The following ANXA6 variants were observed in gnomAD, a reference collection of about 807,000 sequenced individuals.
ANXA6 encodes the protein 67 kDa calelectrin.
ANXA6 carries 71 observed loss-of-function variants against 95.4 expected under a neutral mutation model. The ratio of observed to expected loss-of-function variants is 0.74; its 90% CI spans 0.61 to 0.91. ANXA6 has a LOEUF of 0.91. ANXA6 is among the 40% of genes least tolerant of loss of function. The pLI is 0.00. For missense variants in ANXA6, 830 were observed against 876.4 expected, an observed-to-expected ratio of 0.95 and a Z score of 0.67; for synonymous variants, 289 against 315.9, an observed-to-expected ratio of 0.91 and a Z score of 0.90.
chr5:151,153,709 C>T (rs192047098), intron 1 of ANXA6, among the ~76,000 whole-genome samples: 5 of 152,304 alleles, frequency 3.3e-5, no homozygotes, highest in African/African-American at 4.8e-5. Flanking sequence ...AATACATACT[C>T]CTTGCCCTAT....
At chr5:151,147,024 C>G (rs1765991961) in intron 2 of ANXA6, among the ~76,000 whole-genome samples, 1 of 152,200 alleles carries the variant, frequency 6.6e-6, no homozygotes, top group African/African-American at 2.4e-5. Flanking sequence ...CTGCTCACTT[C>G]AGCCTCCCAA....
chr5:151,146,609 G>A (rs1431495428), intron 2 of ANXA6, among the ~76,000 whole-genome samples: 4 of 152,194 alleles, frequency 2.6e-5, no homozygotes, highest in African/African-American at 9.7e-5. Context: ...GACAGCTTCT[G>A]TCTGTGCATT....
At chr5:151,119,609 C>G (rs930920775) in intron 17 of ANXA6, among the ~76,000 whole-genome samples, 2 of 152,168 alleles carry the variant, frequency 1.3e-5, no homozygotes, top group Non-Finnish European at 2.9e-5. Context: ...TGCCTTCCAG[C>G]CCCCCAAACA....
chr5:151,142,129 C>T (rs924149896), intron 2 of ANXA6, among the ~76,000 whole-genome samples: 4 of 152,198 alleles, frequency 2.6e-5, no homozygotes, highest in African/African-American at 7.2e-5. Context: ...TGGACACCTC[C>T]AGTCCAGCGA....
rs180895273 is a variant in ANXA6 at position 151,111,102 on chromosome 5, A to T, written c.1573-458T>A. Among the ~76,000 whole-genome samples the T allele has an allele frequency of 2.0e-5, 3 of 152,174 alleles. 1 individual carries two copies. The highest frequency in any genetic ancestry group is 2.0e-4 in the Admixed American group (3 of 15,280). On this transcript the variant is annotated intron_variant, in intron 20 of 25. Coordinates refer to ENST00000354546, the MANE Select transcript of ANXA6 (RefSeq NM_001155.5). ...CAGAGTTCCAAGGCAAGAGACATGT[A>T]ATTTTAGCCTTCATGTTACAGACAG...
At position 151,142,395 on chromosome 5, in the gene ANXA6, T is replaced by C. The variant is rs370797028; in HGVS notation, c.19-2152A>G. On this transcript the variant is annotated intron_variant, in intron 2 of 25. Coordinates refer to ENST00000354546, the MANE Select transcript of ANXA6 (RefSeq NM_001155.5). ...CAGGAGGCTGGGTCAGGAGAATCAC[T>C]TGAACCTGGGAGGCAGAGGTTGTAG... Among the ~76,000 whole-genome samples the C allele has an allele frequency of 7.2e-5, 11 of 152,174 alleles. No individual in the cohort carries two copies. In the East Asian group the frequency reaches 1.7e-3, roughly 24 times the overall value.
rs1581980221 is a variant in ANXA6, at chr5:151,110,636, A to G, written c.1581T>C (p.Ala527=). ...AGAACAGGACACTCACCAAGATCTC[A>G]GCAGCCACCTGAGAGCAGGGAGGGG... is the stretch of plus-strand genomic sequence containing the variant. ...DQAREDAQVA[A]EILEIADTPS... is the part of the protein sequence containing the mutation. Residue 527 remains alanine, a synonymous_variant, in exon 21 of 26, where the codon GCT becomes GCC. Coordinates refer to ENST00000354546, the MANE Select transcript of ANXA6 (RefSeq NM_001155.5). The G allele has an allele frequency of 3.7e-6, 6 of 1,609,236 alleles. No homozygotes were observed. The highest frequency in any genetic ancestry group is 5.1e-6 in the Non-Finnish European group (6 of 1,176,310).
At position 151,117,142 on chromosome 5, in the gene ANXA6, T is replaced by C. The variant is rs1226539868; in HGVS notation, c.1557A>G (p.Ala519=). Residue 519 remains alanine, a synonymous_variant, in exon 20 of 26, where the codon GCA becomes GCG. Transcript: ENST00000354546. ...REEGGENLDQ[A]REDAQVAAEI... The stretch of plus-strand genomic sequence containing the variant: ...GGGGTCTTACCTGGGCATCTTCCCG[T>C]GCCTGGTCCAGGTTTTCTCCTCCCT... The C allele has an allele frequency of 6.3e-7, 1 of 1,592,334 alleles. No individual in the cohort carries two copies. Among genetic ancestry groups the C allele is most frequent in the Non-Finnish European group, 8.6e-7 (1 of 1,167,638 alleles).
intron 19 of ANXA6, among the ~76,000 whole-genome samples, chr5:151,117,491 C>T (rs1765034718): frequency 6.6e-6 from 1 of 152,174 alleles, no homozygotes; most frequent in Admixed American, 6.5e-5. Flanking sequence ...GAGGGTCACC[C>T]ATATGGCTTT....
At chr5:151,104,865 C>A (rs1445434260) in intron 24 of ANXA6, among the ~76,000 whole-genome samples, 1 of 152,232 alleles carries the variant, frequency 6.6e-6, no homozygotes, top group African/African-American at 2.4e-5. Flanking sequence ...CCCTGTGTGC[C>A]TCCAGAGCAC....
At chr5:151,139,295 G>T in intron 4 of ANXA6, 58 bp downstream of exon 4, 1 of 1,275,656 alleles carries the variant, frequency 7.8e-7, no homozygotes, top group Non-Finnish European at 1.1e-6. Flanking sequence ...CGAGCACACA[G>T]GTGAATGAAA....
intron 19 of ANXA6, among the ~76,000 whole-genome samples, 179 bp from the exon 20 acceptor site, chr5:151,117,359 A>G (rs568824728): frequency 6.6e-6 from 1 of 152,276 alleles, no homozygotes; most frequent in East Asian, 1.9e-4. Flanking sequence ...GAATGTGTGC[A>G]AGACACTTAG....
In ANXA6 at chr5:151,124,386, G is replaced by A; in HGVS notation, c.1057-19C>T. The A allele has an allele frequency of 6.2e-7, 1 of 1,600,070 alleles. No homozygotes were observed. The highest frequency in any genetic ancestry group is 8.5e-7 in the Non-Finnish European group (1 of 1,173,168). On this transcript the variant is annotated intron_variant, in intron 14 of 25. Transcript: ENST00000354546. ...CCTTCAGCTGTGAGAAGCAGAAAGA[G>A]ACTCAGCAGGTGTCTGAAGGCCCCC...
chr5:151,110,570 T>C (rs1764821958), intron 21 of ANXA6, 57 bp downstream of exon 21: 1 of 1,597,492 alleles, frequency 6.3e-7, no homozygotes, highest in African/African-American at 1.3e-5. Flanking sequence ...CTCGGCCCAG[T>C]AAAGGCGGAC....
chr5:151,120,581 T>C (rs1435294515), intron 17 of ANXA6, among the ~76,000 whole-genome samples: 1 of 152,024 alleles, frequency 6.6e-6, no homozygotes, highest in Admixed American at 6.5e-5. Context: ...TAGCTGGTCG[T>C]GGTGGCGTGC....
rs1581986965 is a variant in ANXA6 at position 151,117,169 on chromosome 5, C to T, written c.1530G>A (p.Glu510=). The change falls in exon 20 of 26, where the codon GAG becomes GAA. Residue 510 remains glutamate, a synonymous_variant. Coordinates refer to ENST00000354546, the MANE Select transcript of ANXA6 (RefSeq NM_001155.5). ...ILISLATGHR[E]EGGENLDQAR... Reference sequence around the variant, plus strand: ...CCTGGTCCAGGTTTTCTCCTCCCTCCTCACGATGCCCCTGCAGCAGGAGCA... The same window carrying T: ...CCTGGTCCAGGTTTTCTCCTCCCTCTTCACGATGCCCCTGCAGCAGGAGCA... The T allele has an allele frequency of 3.1e-6, 5 of 1,592,746 alleles. No homozygotes were observed. Among genetic ancestry groups the T allele is most frequent in the East Asian group, 2.3e-5 (1 of 42,972 alleles).
intron 3 of ANXA6, among the ~76,000 whole-genome samples, 177 bp downstream of exon 3, chr5:151,139,976 C>CT (rs1765780567): frequency 1.3e-5 from 2 of 150,946 alleles, no homozygotes; most frequent in South Asian, 4.2e-4. Context: ...ATTCTTTATA[C>CT]TTTTTTTCTG....
At chr5:151,155,146 T>C (rs1025260726) in intron 1 of ANXA6, 5 of 152,216 alleles carry the variant, frequency 3.3e-5, no homozygotes, top group African/African-American at 1.2e-4. Flanking sequence ...GGAGTTTCCA[T>C]GTCTGCAAAA....
Position 151,138,703 on chromosome 5 carries a change from G to T in ANXA6, c.293C>A (p.Ala98Asp), listed in dbSNP as rs192345606. Reference protein sequence around the residue: ...GLMRPPAYCDAKEIKDAISGI... With the variant: ...GLMRPPAYCDDKEIKDAISGI... ...CGAGATGGCATCTTTAATTTCTTTG[G>T]CATCACAATAGGCAGGTGGCCTCAT... The change falls in exon 5 of 26, where the codon GCC becomes GAC. Residue 98 changes from alanine to aspartate, a missense_variant. Coordinates refer to ENST00000354546, the MANE Select transcript of ANXA6 (RefSeq NM_001155.5). The T allele has an allele frequency of 2.4e-5, 39 of 1,613,580 alleles. No homozygotes were observed. The Admixed American group carries it at 4.2e-4, about 17-fold the overall frequency.
Sources: allele counts gnomAD v4.1 joint callset (sites outside exome capture counted in the v4.1 genomes callset), GRCh38; gene constraint gnomAD v4.1.1; transcripts MANE v1.5; gene names NCBI Gene and HGNC (gene_info 2026-07-23, HGNC 2026-07-21).